The following BPNT2 variants were observed in gnomAD, a reference collection of about 807,000 sequenced individuals.
The protein encoded by BPNT2 is 3'(2'), 5'-bisphosphate nucleotidase 2, also known as Golgi-resident adenosine 3',5'-bisphosphate 3'-phosphatase.
In BPNT2, 11 loss-of-function variants were observed where a neutral mutation model predicts 29.3. That is an observed-to-expected ratio of 0.38 (90% CI 0.24 to 0.62). BPNT2 has a LOEUF of 0.62. BPNT2 is among the 20% of genes least tolerant of loss of function. The pLI, the probability that BPNT2 is intolerant of heterozygous loss-of-function variation, is 0.62. For missense variants in BPNT2, 459 were observed against 473.4 expected (o/e 0.97, Z 0.28); for synonymous variants, 195 against 187.7 (o/e 1.04, Z -0.32).
chr8:56,981,933 A>G (rs895408919), intron 1 of BPNT2, among the ~76,000 whole-genome samples: 3 of 152,136 alleles, frequency 2.0e-5, no homozygotes, highest in African/African-American at 7.2e-5. Flanking sequence ...AGCACTGACA[A>G]TACATGAGTA....
chr8:56,975,367 C>T (rs1426359040), intron 3 of BPNT2, among the ~76,000 whole-genome samples: 1 of 152,098 alleles, frequency 6.6e-6, no homozygotes, highest in African/African-American at 2.4e-5. Flanking sequence ...TAGCTAAATG[C>T]CATCCTAACT....
rs1805808813 is a variant in BPNT2, at chr8:56,960,203, C to T, written c.*3590G>A. 6.6e-6 allele frequency: 1 copy of T among 152,140 alleles called. No individual in the cohort carries two copies. Among genetic ancestry groups the T allele is most frequent in the Admixed American group, 6.6e-5 (1 of 15,266 alleles). 9.4% of individuals were successfully genotyped at this position (152,140 alleles called of 1,614,324 possible). ...TATTTTCCTTTCTGCATCGGCACTCCACCTTTCTTTACTTATGCTCAGCTA... is the reference window on the plus strand; with the variant it reads ...TATTTTCCTTTCTGCATCGGCACTCTACCTTTCTTTACTTATGCTCAGCTA... On this transcript the variant is annotated 3_prime_UTR_variant, in exon 5 of 5. Transcript: ENST00000262644.
Position 56,978,046 on chromosome 8 carries a change from A to AT in BPNT2, c.646+3dup. On this transcript the variant is annotated splice_donor_region_variant and intron_variant, in intron 3 of 4. Coordinates refer to ENST00000262644, the MANE Select transcript of BPNT2 (RefSeq NM_017813.5). Reference sequence around the variant, plus strand: ...ATTCTTGAAAGTTCTAGCAAATTTCATACCTGTATATTCGGAAAATGGCTT... The same window carrying AT: ...ATTCTTGAAAGTTCTAGCAAATTTCATTACCTGTATATTCGGAAAATGGCTT... 2 of 1,529,168 alleles carry AT rather than the reference A, an allele frequency of 1.3e-6. No homozygotes were observed. The highest frequency in any genetic ancestry group is 1.8e-6 in the Non-Finnish European group (2 of 1,103,012). 94.7% of individuals were successfully genotyped at this position (1,529,168 alleles called of 1,614,324 possible).
intron 3 of BPNT2, 47 bp from the exon 4 acceptor site, chr8:56,966,399 CT>C (rs1450548851): frequency 6.5e-7 from 1 of 1,527,710 alleles, no homozygotes; most frequent in South Asian, 1.1e-5. Context: ...AGCTTTAAAA[CT>C]AAAGGTTATA....
chr8:56,963,011 C>G lies in BPNT2; in HGVS notation c.*782G>C, dbSNP rs1046643. The G allele has an allele frequency of 6.6e-6, 1 of 152,176 alleles. No individual in the cohort carries two copies. Among genetic ancestry groups the G allele is most frequent in the Non-Finnish European group, 1.5e-5 (1 of 68,050 alleles). The allele number at this position is 152,176 out of a possible 1,614,324, so 9.4% of individuals were successfully genotyped here. A position where few individuals can be genotyped will look rare whatever the true frequency, so the allele number is the denominator to read the frequency against. ...AAACCGAACCTTACAAAGTTAAAGACTAAGTGTTGGTCAGAAGGAAAAGGA... is the reference window on the plus strand; with the variant it reads ...AAACCGAACCTTACAAAGTTAAAGAGTAAGTGTTGGTCAGAAGGAAAAGGA... On this transcript the variant is annotated 3_prime_UTR_variant, in exon 5 of 5. Transcript: ENST00000262644.
intron 1 of BPNT2, among the ~76,000 whole-genome samples, 173 bp from the exon 2 acceptor site, chr8:56,980,370 C>T (rs1272463363): frequency 1.3e-5 from 2 of 151,494 alleles, no homozygotes; most frequent in Non-Finnish European, 2.9e-5. Context: ...AAAAAAAAAT[C>T]CATGACATCA....
intron 1 of BPNT2, among the ~76,000 whole-genome samples, chr8:56,992,637 A>G (rs1424519185): frequency 6.6e-6 from 1 of 151,932 alleles, no homozygotes; most frequent in Non-Finnish European, 1.5e-5. Flanking sequence ...CAAACTATAA[A>G]CTTTAGAGCG....
At chr8:56,967,253 T>C (rs1219705282) in intron 3 of BPNT2, 1 of 456,282 alleles carries the variant, frequency 2.2e-6, no homozygotes, top group East Asian at 6.9e-5. Context: ...TTAGCTGAGT[T>C]TGGGTTTCTG....
intron 1 of BPNT2, among the ~76,000 whole-genome samples, chr8:56,988,432 G>T (rs997538213): frequency 6.6e-6 from 1 of 152,210 alleles, no homozygotes; most frequent in African/African-American, 2.4e-5. Context: ...AAGGGACAAT[G>T]ATCTAGCTCC....
At chr8:56,967,247 C>T (rs1011612389) in intron 3 of BPNT2, 2 of 456,158 alleles carry the variant, frequency 4.4e-6, no homozygotes, top group African/African-American at 2.0e-5. Context: ...AAAACATTAG[C>T]TGAGTTTGGG....
chr8:56,985,367 T>A (rs1422259098), intron 1 of BPNT2, among the ~76,000 whole-genome samples: 1 of 152,088 alleles, frequency 6.6e-6, no homozygotes, highest in African/African-American at 2.4e-5. Context: ...TCCTCATCCT[T>A]ACTACCTGTC....
intron 1 of BPNT2, among the ~76,000 whole-genome samples, chr8:56,981,566 A>C (rs908915248): frequency 1.3e-5 from 2 of 152,206 alleles, no homozygotes; most frequent in African/African-American, 2.4e-5. Flanking sequence ...TCCATCTCAA[A>C]AAAAACAAAA....
intron 1 of BPNT2, among the ~76,000 whole-genome samples, chr8:56,992,279 A>G (rs1385811994): frequency 1.3e-5 from 2 of 152,230 alleles, no homozygotes; most frequent in Admixed American, 6.5e-5. Flanking sequence ...TCTTCCCAGT[A>G]GCCAAAACTA....
intron 1 of BPNT2, among the ~76,000 whole-genome samples, chr8:56,980,583 A>C (rs1416597627): frequency 1.3e-5 from 2 of 152,124 alleles, no homozygotes; most frequent in Non-Finnish European, 2.9e-5. Flanking sequence ...AACTAGAGTT[A>C]GAAGAAAGAC....
At chr8:56,978,262 AAAC>A in intron 2 of BPNT2, 117 bp from the exon 3 acceptor site, 2 of 751,992 alleles carry the variant, frequency 2.7e-6, no homozygotes, top group South Asian at 1.4e-5. Context: ...TATCTTTCCA[AAAC>A]AACAATCCCT....
In BPNT2 at chr8:56,962,145, T is replaced by A. The variant is rs1805848557; in HGVS notation, c.*1648A>T. 1 of 152,212 alleles carries A rather than the reference T, an allele frequency of 6.6e-6. No individual in the cohort carries two copies. The highest frequency in any genetic ancestry group is 1.9e-4 in the East Asian group (1 of 5,198). The allele number at this position is 152,212 out of a possible 1,614,324, so 9.4% of individuals were successfully genotyped here. A position where few individuals can be genotyped will look rare whatever the true frequency, so the allele number is the denominator to read the frequency against. Reference sequence around the variant, plus strand: ...TCAAGTGTTCCACCTACCAAAACTTTGAATGAATTTTCACTGAAAAGGCCT... The same window carrying A: ...TCAAGTGTTCCACCTACCAAAACTTAGAATGAATTTTCACTGAAAAGGCCT... On this transcript the variant is annotated 3_prime_UTR_variant, in exon 5 of 5. Transcript: ENST00000262644.
intron 3 of BPNT2, among the ~76,000 whole-genome samples, chr8:56,970,937 TAAATATTCCAAA>T: frequency 6.6e-6 from 1 of 152,132 alleles, no homozygotes; most frequent in Non-Finnish European, 1.5e-5. Context: ...ATCCTTTTCA[TAAATATTCCAAA>T]AACCAGTTTT....
At chr8:56,970,111 G>A (rs368919816) in intron 3 of BPNT2, among the ~76,000 whole-genome samples, 29 of 152,108 alleles carry the variant, frequency 1.9e-4, no homozygotes, top group African/African-American at 7.0e-4. Context: ...TTATGCAAAA[G>A]GTTTAATAAA....
Position 56,964,027 on chromosome 8 carries a change from C to CT in BPNT2, c.845dup (p.Ser283GlufsTer6). On this transcript the variant is annotated frameshift_variant, in exon 5 of 5. Transcript: ENST00000262644. LOFTEE classifies it high-confidence loss of function. ...TGTATAAATCAGCTTTTTCTTGACT[C>CT]TTATCAGGCACATCCAAAAGTGCTA... is the stretch of plus-strand genomic sequence containing the variant. The CT allele has an allele frequency of 6.2e-7, 1 of 1,605,330 alleles. No individual in the cohort carries two copies.
Sources: gnomAD v4.1 joint callset for allele counts (sites outside exome capture counted in the v4.1 genomes callset) on GRCh38, gnomAD v4.1.1 for gene constraint, MANE v1.5 for transcripts, NCBI Gene and HGNC (gene_info 2026-07-23, HGNC 2026-07-21) for gene names.